ITGA8: variants seen among roughly 807,000 people sequenced by gnomAD.
ITGA8 encodes the protein integrin subunit alpha 8.
A neutral mutation model predicts 142.3 loss-of-function variants in ITGA8; 91 were observed. That is an observed-to-expected ratio of 0.64 (90% CI 0.54 to 0.76). The LOEUF (loss-of-function observed/expected upper bound fraction) is 0.76. Ranked by LOEUF, ITGA8 falls within the 30% of genes least tolerant of loss-of-function variation. The probability of loss-of-function intolerance (pLI) is 0.00; values close to 1 mark genes in which losing one functional copy is unlikely to be tolerated. For synonymous variants in ITGA8, 505 were observed against 485.2 expected, an observed-to-expected ratio of 1.04 and a Z score of -0.54; for missense variants, 1,406 against 1,327.7, an observed-to-expected ratio of 1.06 and a Z score of -0.92.
intron 28 of ITGA8, among the ~76,000 whole-genome samples, chr10:15,530,768 A>G (rs1321841745): frequency 6.6e-6 from 1 of 152,196 alleles, no homozygotes; most frequent in Admixed American, 6.5e-5. Context: ...TTTCATTGTA[A>G]TGATAACTGC....
Position 15,606,285 on chromosome 10 carries a change from C to G in ITGA8, c.1902G>C (p.Gln634His), listed in dbSNP as rs767914983. Residue 634 changes from glutamine to histidine, a missense_variant and splice_region_variant, in exon 18 of 30, where the codon CAG (glutamine) becomes CAC (histidine). Coordinates refer to ENST00000378076, the MANE Select transcript of ITGA8 (RefSeq NM_003638.3). ...CCGTCAAAGACTGTGAAGGACTTAC[C>G]TGTTCACTAACAATGTTTTCTCTGT... ...NYYRENIVSE[Q>H]AHILVDCGED... 2 of 1,602,970 alleles carry G rather than the reference C, an allele frequency of 1.2e-6. No individual in the cohort carries two copies. The highest frequency in any genetic ancestry group is 1.7e-6 in the Non-Finnish European group (2 of 1,171,256).
intron 12 of ITGA8, among the ~76,000 whole-genome samples, chr10:15,644,777 T>C (rs1300635721): frequency 6.6e-6 from 1 of 151,780 alleles, no homozygotes; most frequent in African/African-American, 2.4e-5. Context: ...TGTTGCCTTT[T>C]ATCCATCCAA....
chr10:15,575,346 C>T, intron 24 of ITGA8, 143 bp downstream of exon 24: 2 of 621,064 alleles, frequency 3.2e-6, no homozygotes, highest in Middle Eastern at 2.8e-4. Context: ...GCTGTGATTG[C>T]ACCACTGCAC....
At chr10:15,528,630 T>C (rs1833225672) in intron 28 of ITGA8, among the ~76,000 whole-genome samples, 1 of 151,792 alleles carries the variant, frequency 6.6e-6, no homozygotes, top group African/African-American at 2.4e-5. Context: ...CTGTGGCCAG[T>C]GCAGAAAGAT....
At chr10:15,627,932 G>A (rs530480202) in intron 13 of ITGA8, among the ~76,000 whole-genome samples, 4 of 151,414 alleles carry the variant, frequency 2.6e-5, no homozygotes, top group Non-Finnish European at 4.4e-5. Flanking sequence ...TAAAGAAGTC[G>A]GTCAAAACCA....
intron 23 of ITGA8, among the ~76,000 whole-genome samples, chr10:15,581,626 A>G (rs981105964): frequency 2.0e-5 from 3 of 152,210 alleles, no homozygotes; most frequent in African/African-American, 7.2e-5. Context: ...AAACTTTTAC[A>G]TATGCAGATG....
intron 8 of ITGA8, among the ~76,000 whole-genome samples, chr10:15,668,656 ACT>A (rs1176660898): frequency 1.3e-5 from 2 of 152,082 alleles, no homozygotes; most frequent in Non-Finnish European, 2.9e-5. Flanking sequence ...AGTGGCTGGT[ACT>A]GGTTGTTCCT....
chr10:15,684,082 C>G lies in ITGA8; in HGVS notation c.490G>C (p.Glu164Gln). ...TAGCAGGTGCCAACTGGGTCCTTTT[C>G]TGGTGTCGGTTTAAGAGTTCTCCAG... is the stretch of plus-strand genomic sequence containing the variant. ...YHWRTLKPTP[E>Q]KDPVGTCYVA... Residue 164 changes from glutamate (E) to glutamine (Q), a missense_variant, in exon 4 of 30, where the codon GAA (glutamate) becomes CAA (glutamine). Transcript: ENST00000378076. 1 of 1,614,114 alleles carries G rather than the reference C, an allele frequency of 6.2e-7. No individual in the cohort carries two copies. Among genetic ancestry groups the G allele is most frequent in the African/African-American group, 1.3e-5 (1 of 75,022 alleles).
intron 13 of ITGA8, among the ~76,000 whole-genome samples, chr10:15,638,066 A>T (rs752041878): frequency 1.3e-5 from 2 of 152,154 alleles, no homozygotes; most frequent in Non-Finnish European, 2.9e-5. Context: ...TTGAAAAAAC[A>T]TTACCAACAT....
At chr10:15,547,436 G>C (rs1447663941) in intron 27 of ITGA8, among the ~76,000 whole-genome samples, 1 of 152,178 alleles carries the variant, frequency 6.6e-6, no homozygotes, top group East Asian at 1.9e-4. Context: ...GCTGGGCATG[G>C]TGGCCCACGC....
At chr10:15,616,481 G>A (rs768766311) in intron 14 of ITGA8, 33 bp downstream of exon 14, 42 of 1,520,956 alleles carry the variant, frequency 2.8e-5, no homozygotes, top group Non-Finnish European at 3.7e-5. Context: ...TTGAAACAAT[G>A]AGAAAAACAT....
At chr10:15,644,268 C>CTTCATTTG in intron 12 of ITGA8, 47 bp from the exon 13 acceptor site, 1 of 1,535,002 alleles carries the variant, frequency 6.5e-7, no homozygotes, top group Non-Finnish European at 8.9e-7. Flanking sequence ...GTATTTAATT[C>CTTCATTTG]TTCATTTGTT....
At chr10:15,713,347 CT>C (rs1046495717) in intron 2 of ITGA8, among the ~76,000 whole-genome samples, 2 of 152,140 alleles carry the variant, frequency 1.3e-5, no homozygotes, top group Admixed American at 1.3e-4. Flanking sequence ...CACACTGCTT[CT>C]TTTTTTCTGA....
chr10:15,533,118 G>A (rs1162321747), intron 27 of ITGA8, among the ~76,000 whole-genome samples: 1 of 152,162 alleles, frequency 6.6e-6, no homozygotes, highest in South Asian at 2.1e-4. Flanking sequence ...TGGGCCTCAT[G>A]AGTCCAATAA....
chr10:15,672,542 T>A, intron 7 of ITGA8, 82 bp downstream of exon 7: 1 of 1,456,196 alleles, frequency 6.9e-7, no homozygotes, highest in Non-Finnish European at 9.2e-7. Flanking sequence ...TAACATCGGA[T>A]AAGTCAGGGA....
At chr10:15,535,265 C>T (rs934557388) in intron 27 of ITGA8, among the ~76,000 whole-genome samples, 2 of 152,138 alleles carry the variant, frequency 1.3e-5, no homozygotes, top group Admixed American at 6.5e-5. Flanking sequence ...TGACGCGCAC[C>T]GCCCCCTGCT....
chr10:15,678,428 G>T (rs886344445), intron 5 of ITGA8, among the ~76,000 whole-genome samples: 5 of 152,072 alleles, frequency 3.3e-5, no homozygotes, highest in African/African-American at 1.2e-4. Flanking sequence ...GAGTTTTTTA[G>T]ATTTTCATTT....
chr10:15,634,029 G>T (rs2131636734), intron 13 of ITGA8, among the ~76,000 whole-genome samples: 1 of 152,220 alleles, frequency 6.6e-6, no homozygotes, highest in Middle Eastern at 3.4e-3. Flanking sequence ...TAATCTCAGG[G>T]TCTTTGCTCA....
chr10:15,593,839 A>ATTTTTTTTTTT (rs35907545), intron 21 of ITGA8, among the ~76,000 whole-genome samples: 11 of 137,308 alleles, frequency 8.0e-5, no homozygotes, highest in African/African-American at 3.1e-4. Context: ...CCCAGCAAAG[A>ATTTTTTTTTTT]TTTTTTTTTT....
Sources: allele counts gnomAD v4.1 joint callset (sites outside exome capture counted in the v4.1 genomes callset), GRCh38; gene constraint gnomAD v4.1.1; transcripts MANE v1.5; gene names NCBI Gene and HGNC (gene_info 2026-07-23, HGNC 2026-07-21).